Variants in MAB21L4 observed in about 807,000 individuals in gnomAD.
MAB21L4 encodes the protein protein mab-21-like 4.
MAB21L4 carries 25 observed loss-of-function variants against 32.4 expected under a neutral mutation model. That is an observed-to-expected ratio of 0.77 (90% confidence interval 0.56 to 1.08). MAB21L4 has a LOEUF of 1.08. Ranked by LOEUF, MAB21L4 falls within the 50% of genes least tolerant of loss-of-function variation. The pLI is 0.00. For synonymous variants in MAB21L4, 280 were observed against 276.8 expected (o/e 1.01, Z -0.11); for missense variants, 638 against 611.0 (o/e 1.04, Z -0.47).
In MAB21L4 at chr2:240,895,977, G is replaced by A. The variant is rs1184092024; in HGVS notation, c.21C>T (p.Pro7=). The change falls in exon 1 of 5, where the codon CCC becomes CCT. Residue 7 remains proline (P), a synonymous_variant. Coordinates refer to ENST00000388934, the MANE Select transcript of MAB21L4 (RefSeq NM_001085437.3). ...GCACCTGCACGGCCATGGCTGAGGT[G>A]GGGAGAGCAGGGGCAGGCATCCCTT... MPAPAL[P]TSAMAVQVPL... The A allele has an allele frequency of 3.4e-6, 5 of 1,459,478 alleles. No individual in the cohort carries two copies. The highest frequency in any genetic ancestry group is 4.5e-6 in the Non-Finnish European group (5 of 1,111,176). The allele number at this position is 1,459,478 out of a possible 1,614,324, so 90.4% of individuals were successfully genotyped here. A position where few individuals can be genotyped will look rare whatever the true frequency, so the allele number is the denominator to read the frequency against.
chr2:240,888,984 T>G (rs2059121814), intron 3 of MAB21L4, among the ~76,000 whole-genome samples: 1 of 150,442 alleles, frequency 6.6e-6, no homozygotes, highest in South Asian at 2.1e-4. Context: ...TCTCCTTCCC[T>G]CCGCCCCTTT....
In MAB21L4 at chr2:240,890,099, T is replaced by C. The variant is rs199800358; in HGVS notation, c.800A>G (p.His267Arg). Residue 267 changes from histidine (H) to arginine (R), a missense_variant, in exon 3 of 5, where the codon CAT becomes CGT. Coordinates refer to ENST00000388934, the MANE Select transcript of MAB21L4 (RefSeq NM_001085437.3). ...GAGGATGGAGAGGCTGTCCAGGCGA[T>C]GACCCTGCAGGGAGCCCAGCTCCCC... ...LLGELGSLQG[H>R]RLDSLSILDR... 2.7e-5 allele frequency: 44 copies of C among 1,613,132 alleles called. No homozygotes were observed. The Middle Eastern group carries it at 5.0e-4, about 18-fold the overall frequency.
chr2:240,891,790 C>T (rs1227938842), intron 1 of MAB21L4, 27 bp from the exon 2 acceptor site: 1 of 1,602,810 alleles, frequency 6.2e-7, no homozygotes, highest in Admixed American at 1.7e-5. Context: ...CACGCCGGCC[C>T]CTCGACTTGC....
rs370350727 is a variant in MAB21L4 at position 240,890,915 on chromosome 2, C to A, written c.740+623G>T. 5.9e-5 allele frequency among the ~76,000 whole-genome samples: 9 copies of A among 152,354 alleles called. No homozygotes were observed. The South Asian group carries it at 1.0e-3, about 18-fold the overall frequency. The stretch of plus-strand genomic sequence containing the variant: ...GGCAGGTGACTGGCGCTCCGCTGAG[C>A]CTTTCCTTGCAGGGGAAAACCACAG... On this transcript the variant is annotated intron_variant, in intron 2 of 4. Coordinates refer to ENST00000388934, the MANE Select transcript of MAB21L4 (RefSeq NM_001085437.3).
Position 240,895,674 on chromosome 2 carries a change from T to C in MAB21L4, c.324A>G (p.Leu108=). ...CTTCCCTGGGCACACCCAGGTGGCA[T>C]AATTCAAGGCCATCCTCCGGCTGGG... ...EATQPEDGLE[L]CHLGVPREGA... The change falls in exon 1 of 5, where the codon TTA becomes TTG. Residue 108 remains leucine (L), a synonymous_variant. Transcript: ENST00000388934. 6.2e-7 allele frequency: 1 copy of C among 1,612,862 alleles called. No individual in the cohort carries two copies. The highest frequency in any genetic ancestry group is 1.1e-5 in the South Asian group (1 of 91,080).
chr2:240,890,312 T>C (rs562892077), intron 2 of MAB21L4, among the ~76,000 whole-genome samples, 154 bp from the exon 3 acceptor site: 2 of 152,308 alleles, frequency 1.3e-5, no homozygotes, highest in South Asian at 2.1e-4. Flanking sequence ...TCTCGGGAGC[T>C]GCTGTCATCG....
At chr2:240,896,363 A>G (rs761134162), upstream of MAB21L4, among the ~76,000 whole-genome samples, 8 of 152,064 alleles carry the variant, frequency 5.3e-5, no homozygotes, top group Non-Finnish European at 1.0e-4. Flanking sequence ...CTGGAGAAAT[A>G]TTGCCGCTGG....
intron 1 of MAB21L4, among the ~76,000 whole-genome samples, chr2:240,894,846 T>C (rs184613897): frequency 6.6e-6 from 1 of 152,000 alleles, no homozygotes; most frequent in African/African-American, 2.4e-5. Flanking sequence ...GGCCAGCCCC[T>C]GGTCCACGCA....
At chr2:240,892,085 C>T in intron 1 of MAB21L4, 2 of 1,431,090 alleles carry the variant, frequency 1.4e-6, no homozygotes, top group South Asian at 1.5e-5. Flanking sequence ...GCACCACCCT[C>T]ACCCCACACC....
chr2:240,895,725 A>G lies in MAB21L4; in HGVS notation c.273T>C (p.Ala91=), dbSNP rs1196809258. 3.7e-6 allele frequency: 6 copies of G among 1,612,774 alleles called. No homozygotes were observed. Among genetic ancestry groups the G allele is most frequent in the Non-Finnish European group, 5.1e-6 (6 of 1,179,992 alleles). The change falls in exon 1 of 5, where the codon GCT becomes GCC. Residue 91 remains alanine, a synonymous_variant. Coordinates refer to ENST00000388934, the MANE Select transcript of MAB21L4 (RefSeq NM_001085437.3). The part of the protein sequence containing the change: ...MEVPLWVDAE[A]LLIEEPEATQ... ...TGGCCTCTGGTTCCTCAATCAGTAG[A>G]GCCTCGGCATCCACCCACAGGGGCA...
chr2:240,893,895 C>T (rs552416324), intron 1 of MAB21L4, among the ~76,000 whole-genome samples: 1 of 152,160 alleles, frequency 6.6e-6, no homozygotes, highest in African/African-American at 2.4e-5. Flanking sequence ...CACCCCATGG[C>T]CTGCATGATT....
chr2:240,888,184 T>C (rs2059111993), intron 4 of MAB21L4, 108 bp downstream of exon 4: 5 of 918,282 alleles, frequency 5.4e-6, no homozygotes, highest in Non-Finnish European at 7.9e-6. Context: ...GCCTCAGCAT[T>C]CCTGGGGCTG....
chr2:240,889,514 G>T (rs548489221), intron 3 of MAB21L4, among the ~76,000 whole-genome samples: 2 of 152,236 alleles, frequency 1.3e-5, no homozygotes, highest in Non-Finnish European at 2.9e-5. Context: ...CCTGTTCCTT[G>T]TTCTTCTCAG....
chr2:240,888,206 G>A (rs1453661345), intron 4 of MAB21L4, 86 bp downstream of exon 4: 1 of 1,116,018 alleles, frequency 9.0e-7, no homozygotes, highest in Non-Finnish European at 1.2e-6. Flanking sequence ...TGACCTGGGA[G>A]AGAATGGGCA....
Position 240,888,398 on chromosome 2 carries a change from C to T in MAB21L4, c.1145G>A (p.Arg382His), listed in dbSNP as rs368850189. 5.2e-5 allele frequency: 81 copies of T among 1,555,376 alleles called. 1 individual carries two copies. Among genetic ancestry groups the T allele is most frequent in the African/African-American group, 4.3e-4 (31 of 72,370 alleles). Residue 382 changes from arginine to histidine, a missense_variant, in exon 4 of 5, where the codon CGC (arginine) becomes CAC (histidine). Coordinates refer to ENST00000388934, the MANE Select transcript of MAB21L4 (RefSeq NM_001085437.3). ...ALRIHATHLG[R>H]SPPPRIGSGL... ...GGAGCCGATGCGCGGCGGGGGGCTG[C>T]GGCCCAGGTGGGTGGCGTGGATGCG...
rs6707568 is a variant in MAB21L4, at chr2:240,888,617, A to G, written c.926T>C (p.Leu309Pro). 0.98 allele frequency: 1,567,612 copies of G among 1,594,054 alleles called. 770,901 individuals are homozygous for G. The highest frequency in any genetic ancestry group is 1 in the East Asian group (44,252 of 44,258). ...CAGTTCTGCCCAGTCCTCGGGCGCC[A>G]GGAAGAGCACAGAGGCCCACAGCAG... is the stretch of plus-strand genomic sequence containing the variant. ...MVLLWASVLFLAPEDWAELQG... is the reference protein window; with the variant it reads ...MVLLWASVLFPAPEDWAELQG... The change falls in exon 4 of 5, where the codon CTG becomes CCG. Residue 309 changes from leucine (L) to proline (P), a missense_variant. Coordinates refer to ENST00000388934, the MANE Select transcript of MAB21L4 (RefSeq NM_001085437.3).
chr2:240,892,363 G>GC (rs1559579046), intron 1 of MAB21L4, among the ~76,000 whole-genome samples: 34 of 123,960 alleles, frequency 2.7e-4, no homozygotes, highest in African/African-American at 8.7e-4. Flanking sequence ...CCTGCCCCCT[G>GC]CCCCTGCCCC....
At chr2:240,894,264 G>A (rs2059172761) in intron 1 of MAB21L4, among the ~76,000 whole-genome samples, 1 of 152,072 alleles carries the variant, frequency 6.6e-6, no homozygotes, top group South Asian at 2.1e-4. Flanking sequence ...ATGAATACTA[G>A]GGAGGTGACT....
At chr2:240,889,533 G>A (rs1213088006) in intron 3 of MAB21L4, among the ~76,000 whole-genome samples, 1 of 152,230 alleles carries the variant, frequency 6.6e-6, no homozygotes, top group African/African-American at 2.4e-5. Flanking sequence ...AGCATCTGAT[G>A]TTACAAAGCC....
Sources: allele counts gnomAD v4.1 joint callset (sites outside exome capture counted in the v4.1 genomes callset), GRCh38; gene constraint gnomAD v4.1.1; transcripts MANE v1.5; gene names NCBI Gene and HGNC (gene_info 2026-07-23, HGNC 2026-07-21).